SERTAD1: variants seen among roughly 807,000 people sequenced by gnomAD.
The protein encoded by SERTAD1 is SERTA domain containing 1.
Under a neutral mutation model 11.7 loss-of-function variants are expected in SERTAD1, and 5 were observed. The ratio of observed to expected loss-of-function variants is 0.43; its 90% CI spans 0.22 to 0.90. The LOEUF is 0.90. Among genes scored for constraint, SERTAD1 ranks in the 40% least tolerant of loss-of-function variants. The pLI, the probability that SERTAD1 is intolerant of heterozygous loss-of-function variation, is 0.27. For missense variants in SERTAD1, 287 were observed against 313.9 expected (o/e 0.91, Z 0.65); for synonymous variants, 139 against 141.4 (o/e 0.98, Z 0.12).
Position 40,422,736 on chromosome 19 carries a change from T to A in SERTAD1, c.*100A>T. 7.5e-7 allele frequency: 1 copy of A among 1,338,082 alleles called. No homozygotes were observed. The highest frequency in any genetic ancestry group is 9.9e-7 in the Non-Finnish European group (1 of 1,005,574). 82.9% of individuals were successfully genotyped at this position (1,338,082 alleles called of 1,614,324 possible). A position where few individuals can be genotyped will look rare whatever the true frequency, so the allele number is the denominator to read the frequency against. ...TGTCTCTCCAAAGTGGCCCAAGCCC[T>A]GTTCTCTGTACTAGGGAAGCCAGCT... On this transcript the variant is annotated 3_prime_UTR_variant, in exon 2 of 2. Coordinates refer to ENST00000357949, the MANE Select transcript of SERTAD1 (RefSeq NM_013376.4).
At chr19:40,425,792 G>C (rs2079614752) in intron 1 of SERTAD1, 75 bp downstream of exon 1, 1 of 152,186 alleles carries the variant, frequency 6.6e-6, no homozygotes, top group Non-Finnish European at 1.5e-5. Flanking sequence ...GCACCTGTCG[G>C]ACCCAGGGAT....
In SERTAD1 at chr19:40,422,837, C is replaced by A; in HGVS notation, c.710G>T (p.Ter237LeuextTer11). 1 of 1,593,636 alleles carries A rather than the reference C, an allele frequency of 6.3e-7. No individual in the cohort carries two copies. Among genetic ancestry groups the A allele is most frequent in the Non-Finnish European group, 8.6e-7 (1 of 1,168,424 alleles). The part of the protein sequence containing the change: ...ALERPPGPGR[*>L] Reference sequence around the variant, plus strand: ...AGACAACCATTCCAGCACGAGGGCTCAGCGCCCTGGCCCCGGCGGTCGCTC... The same window carrying A: ...AGACAACCATTCCAGCACGAGGGCTAAGCGCCCTGGCCCCGGCGGTCGCTC... Residue 237 changes from the stop codon to leucine, a stop_lost, in exon 2 of 2, where the codon TGA (stop) becomes TTA (leucine). Coordinates refer to ENST00000357949, the MANE Select transcript of SERTAD1 (RefSeq NM_013376.4).
In SERTAD1 at chr19:40,422,772, G is replaced by T; in HGVS notation, c.*64C>A. The stretch of plus-strand genomic sequence containing the variant: ...CTAGGGAAGCCAGCTGTGTCTTTTC[G>T]AGGACAGTTGGTCCAGCCAGCAGGC... On this transcript the variant is annotated 3_prime_UTR_variant, in exon 2 of 2. Transcript: ENST00000357949. The T allele has an allele frequency of 6.8e-7, 1 of 1,475,760 alleles. No individual in the cohort carries two copies. Among genetic ancestry groups the T allele is most frequent in the East Asian group, 2.4e-5 (1 of 41,718 alleles). The allele number at this position is 1,475,760 out of a possible 1,614,324, so 91.4% of individuals were successfully genotyped here.
intron 1 of SERTAD1, among the ~76,000 whole-genome samples, chr19:40,424,982 T>C (rs934079746): frequency 6.6e-6 from 1 of 152,154 alleles, no homozygotes; most frequent in African/African-American, 2.4e-5. Flanking sequence ...CCATGGCTGC[T>C]TCGAGGAAGA....
At chr19:40,424,799 G>A (rs2079610536) in intron 1 of SERTAD1, among the ~76,000 whole-genome samples, 1 of 152,254 alleles carries the variant, frequency 6.6e-6, no homozygotes, top group Admixed American at 6.5e-5. Flanking sequence ...GACATGGTAG[G>A]AGACCAGATT....
intron 1 of SERTAD1, 32 bp downstream of exon 1, chr19:40,425,835 C>T (rs2079614957): frequency 6.6e-6 from 1 of 152,224 alleles, no homozygotes; most frequent in Non-Finnish European, 1.5e-5. Flanking sequence ...CGCTGGTAGC[C>T]CTTCTGTTCC....
rs112195702 is a variant in SERTAD1, at chr19:40,421,853, G to GA, written c.*982dup. 0.013 allele frequency: 1,736 copies of GA among 131,278 alleles called. 28 individuals carry two copies. Among genetic ancestry groups the GA allele is most frequent in the African/African-American group, 0.041 (1,470 of 36,062 alleles). The allele number at this position is 131,278 out of a possible 1,614,324, so 8.1% of individuals were successfully genotyped here. ...AGCAAAGAAAAGAAATAAAATTTAAGAAAAAAAAAAAAAGGCCAGGCACAG... is the reference window on the plus strand; with the variant it reads ...AGCAAAGAAAAGAAATAAAATTTAAGAAAAAAAAAAAAAAGGCCAGGCACAG... On this transcript the variant is annotated 3_prime_UTR_variant, in exon 2 of 2. Coordinates refer to ENST00000357949, the MANE Select transcript of SERTAD1 (RefSeq NM_013376.4).
At chr19:40,424,365 T>C (rs540183520) in intron 1 of SERTAD1, among the ~76,000 whole-genome samples, 2 of 152,106 alleles carry the variant, frequency 1.3e-5, no homozygotes, top group South Asian at 2.1e-4. Flanking sequence ...CAGTGAACCA[T>C]GTGGAATGGC....
At chr19:40,425,680 C>G (rs562002533) in intron 1 of SERTAD1, among the ~76,000 whole-genome samples, 187 bp downstream of exon 1, 1 of 152,096 alleles carries the variant, frequency 6.6e-6, no homozygotes, top group Non-Finnish European at 1.5e-5. Context: ...AAGAAGCCGG[C>G]GCCTCCGCCC....
Position 40,423,105 on chromosome 19 carries a change from C to T in SERTAD1, c.442G>A (p.Ala148Thr), listed in dbSNP as rs1395604590. ...TCCAAGGCACCCAGGCTGGGCGCTG[C>T]TCCCCCGATGCTACGGCCTGGTGGC... ...EGPPGRSIGG[A>T]APSLGALDLL... Residue 148 changes from alanine to threonine, a missense_variant, in exon 2 of 2, where the codon GCA becomes ACA. Ala to Thr is a moderately conservative substitution (Grantham distance 58). Transcript: ENST00000357949. The T allele has an allele frequency of 1.9e-6, 3 of 1,597,436 alleles. No individual in the cohort carries two copies. The Admixed American group carries it at 5.2e-5, about 28-fold the overall frequency.
chr19:40,423,175 G>C lies in SERTAD1; in HGVS notation c.372C>G (p.His124Gln). Residue 124 changes from histidine to glutamine, a missense_variant, in exon 2 of 2, where the codon CAC becomes CAG. Coordinates refer to ENST00000357949, the MANE Select transcript of SERTAD1 (RefSeq NM_013376.4). Reference protein sequence around the residue: ...SMASLLEDLSHIEGLSQAPQP... With the variant: ...SMASLLEDLSQIEGLSQAPQP... Reference sequence around the variant, plus strand: ...GGGGAGCCTGACTCAGGCCCTCAATGTGGCTGAGGTCCTCCAGGAGGCTGG... The same window carrying C: ...GGGGAGCCTGACTCAGGCCCTCAATCTGGCTGAGGTCCTCCAGGAGGCTGG... 6.2e-7 allele frequency: 1 copy of C among 1,600,578 alleles called. No individual in the cohort carries two copies. The highest frequency in any genetic ancestry group is 1.3e-5 in the African/African-American group (1 of 74,828).
chr19:40,424,671 G>A (rs1226701161), intron 1 of SERTAD1, among the ~76,000 whole-genome samples: 1 of 152,186 alleles, frequency 6.6e-6, no homozygotes, highest in Non-Finnish European at 1.5e-5. Context: ...AGTCAGCCAT[G>A]GGAGACCCTG....
In SERTAD1 at chr19:40,422,907, C is replaced by G; in HGVS notation, c.640G>C (p.Glu214Gln). ...KEEAPELDEA[E>Q]LDYLMDVLVG... The stretch of plus-strand genomic sequence containing the variant: ...AGCACATCCATGAGGTAGTCCAATT[C>G]GGCCTCGTCCAGCTCCGGAGCTTCC... Residue 214 changes from glutamate (E) to glutamine (Q), a missense_variant, in exon 2 of 2, where the codon GAA becomes CAA. By Grantham distance (29) the Glu-to-Gln change is conservative. Coordinates refer to ENST00000357949, the MANE Select transcript of SERTAD1 (RefSeq NM_013376.4). The G allele has an allele frequency of 6.2e-7, 1 of 1,613,178 alleles. No homozygotes were observed. Among genetic ancestry groups the G allele is most frequent in the Non-Finnish European group, 8.5e-7 (1 of 1,179,680 alleles).
At position 40,422,694 on chromosome 19, in the gene SERTAD1, T is replaced by TG; in HGVS notation, c.*141dup. On this transcript the variant is annotated 3_prime_UTR_variant, in exon 2 of 2. Coordinates refer to ENST00000357949, the MANE Select transcript of SERTAD1 (RefSeq NM_013376.4). ...TGAGACAGGAGGACGGATGTGAAGT[T>TG]GCCCAGGACTAGATTCTGTCTCTCC... 1.1e-6 allele frequency: 1 copy of TG among 871,142 alleles called. No homozygotes were observed. Among genetic ancestry groups the TG allele is most frequent in the Non-Finnish European group, 1.7e-6 (1 of 591,180 alleles). 54.0% of individuals were successfully genotyped at this position (871,142 alleles called of 1,614,324 possible).
In SERTAD1 at chr19:40,422,785, C is replaced by T; in HGVS notation, c.*51G>A. The T allele has an allele frequency of 6.6e-7, 1 of 1,509,650 alleles. No homozygotes were observed. The highest frequency in any genetic ancestry group is 1.3e-5 in the South Asian group (1 of 76,780). The allele number at this position is 1,509,650 out of a possible 1,614,324, so 93.5% of individuals were successfully genotyped here. A position where few individuals can be genotyped will look rare whatever the true frequency, so the allele number is the denominator to read the frequency against. ...CTGTGTCTTTTCGAGGACAGTTGGT[C>T]CAGCCAGCAGGCTCAGTTCAGATAC... On this transcript the variant is annotated 3_prime_UTR_variant, in exon 2 of 2. Transcript: ENST00000357949.
At position 40,423,165 on chromosome 19, in the gene SERTAD1, G is replaced by C. The variant is rs760894157; in HGVS notation, c.382C>G (p.Leu128Val). The change falls in exon 2 of 2, where the codon CTG becomes GTG. Residue 128 changes from leucine to valine, a missense_variant. Leu to Val is a conservative substitution (Grantham distance 32). Coordinates refer to ENST00000357949, the MANE Select transcript of SERTAD1 (RefSeq NM_013376.4). ...GCCAAGGGTTGGGGAGCCTGACTCA[G>C]GCCCTCAATGTGGCTGAGGTCCTCC... ...LLEDLSHIEG[L>V]SQAPQPLADE... is the part of the protein sequence containing the mutation. 1 of 1,602,704 alleles carries C rather than the reference G, an allele frequency of 6.2e-7. No individual in the cohort carries two copies. The highest frequency in any genetic ancestry group is 1.1e-5 in the South Asian group (1 of 89,510).
rs1238821492 is a variant in SERTAD1, at chr19:40,423,299, G to A, written c.248C>T (p.Pro83Leu). Residue 83 changes from proline to leucine, a missense_variant, in exon 2 of 2, where the codon CCC becomes CTC. Transcript: ENST00000357949. ...TLRRIQASMA[P>L]AAALPPVPSP... The stretch of plus-strand genomic sequence containing the variant: ...AGGCACAGGTGGCAGGGCAGCCGCG[G>A]GTGCCATGGACGCCTGGATGCGCCG... 5 of 1,608,866 alleles carry A rather than the reference G, an allele frequency of 3.1e-6. No homozygotes were observed. The East Asian group carries it at 6.7e-5, about 22-fold the overall frequency.
In SERTAD1 at chr19:40,425,924, A is replaced by ACGG. The variant is rs1322089864; in HGVS notation, c.-61_-59dup. 13 of 152,070 alleles carry ACGG rather than the reference A, an allele frequency of 8.5e-5. No homozygotes were observed. In the East Asian group the frequency reaches 2.5e-3, roughly 29 times the overall value. 9.4% of individuals were successfully genotyped at this position (152,070 alleles called of 1,614,324 possible). On this transcript the variant is annotated 5_prime_UTR_variant, in exon 1 of 2. Transcript: ENST00000357949. ...GTAGCCACCCACAACCAATCAGGAA[A>ACGG]CGGCGGCGGCAGCATCGCTTGTTGG...
intron 1 of SERTAD1, among the ~76,000 whole-genome samples, chr19:40,424,761 A>C (rs1241212556): frequency 1.3e-5 from 2 of 152,234 alleles, no homozygotes; most frequent in African/African-American, 2.4e-5. Flanking sequence ...AACTGGAAAG[A>C]GACCAGCATG....
Sources: gnomAD v4.1 joint callset for allele counts (sites outside exome capture counted in the v4.1 genomes callset) on GRCh38, gnomAD v4.1.1 for gene constraint, MANE v1.5 for transcripts, NCBI Gene and HGNC (gene_info 2026-07-23, HGNC 2026-07-21) for gene names.